The following CHSY3 variants were observed in gnomAD, a reference collection of about 807,000 sequenced individuals.
CHSY3 encodes the protein N-acetylgalactosaminyl-proteoglycan 3-beta-glucuronosyltransferase 3.
A neutral mutation model predicts 67.2 loss-of-function variants in CHSY3; 35 were observed. That is an observed-to-expected ratio of 0.52 (90% CI 0.40 to 0.69). The LOEUF (loss-of-function observed/expected upper bound fraction) is 0.69, where lower values mean the gene tolerates loss of function less well. Ranked by LOEUF, CHSY3 falls within the 30% of genes least tolerant of loss-of-function variation. The probability of loss-of-function intolerance (pLI) is 0.00; values close to 1 mark genes in which losing one functional copy is unlikely to be tolerated. For synonymous variants in CHSY3, 474 were observed against 434.7 expected, an observed-to-expected ratio of 1.09 and a Z score of -1.12; for missense variants, 1,069 against 1,138.5, an observed-to-expected ratio of 0.94 and a Z score of 0.88.
chr5:129,993,157 A>G (rs1394244232), intron 2 of CHSY3, among the ~76,000 whole-genome samples: 1 of 152,132 alleles, frequency 6.6e-6, no homozygotes, highest in Non-Finnish European at 1.5e-5. Context: ...GACATGCTCA[A>G]GTTTATATGG....
At chr5:130,064,578 G>T (rs1253932535) in intron 2 of CHSY3, among the ~76,000 whole-genome samples, 1 of 152,088 alleles carries the variant, frequency 6.6e-6, no homozygotes, top group Non-Finnish European at 1.5e-5. Flanking sequence ...TGCTCAATTT[G>T]GGAAACAGTT....
At chr5:130,093,668 C>G (rs1333081942) in intron 2 of CHSY3, among the ~76,000 whole-genome samples, 1 of 152,122 alleles carries the variant, frequency 6.6e-6, no homozygotes, top group Non-Finnish European at 1.5e-5. Flanking sequence ...GAATCACACA[C>G]AACTTGCCAG....
chr5:129,915,951 T>G (rs1484004736), intron 2 of CHSY3, among the ~76,000 whole-genome samples: 1 of 152,178 alleles, frequency 6.6e-6, no homozygotes, highest in Non-Finnish European at 1.5e-5. Context: ...GCACCACTTT[T>G]ATAAATAGAG....
chr5:129,919,510 A>G (rs145610482), intron 2 of CHSY3, among the ~76,000 whole-genome samples: 1,592 of 152,296 alleles, frequency 0.01, 30 homozygotes, highest in African/African-American at 0.036. Context: ...CCTCACAATC[A>G]TGGCAGAAGG....
chr5:129,986,479 A>G (rs1763205675), intron 2 of CHSY3, among the ~76,000 whole-genome samples: 1 of 152,010 alleles, frequency 6.6e-6, no homozygotes, highest in African/African-American at 2.4e-5. Context: ...TATTGGCCTA[A>G]AGTTTTCCTT....
At chr5:129,958,072 A>C (rs1762228831) in intron 2 of CHSY3, among the ~76,000 whole-genome samples, 1 of 152,112 alleles carries the variant, frequency 6.6e-6, no homozygotes, top group Non-Finnish European at 1.5e-5. Flanking sequence ...AATTTTTAAA[A>C]CTTCTAAATA....
At chr5:129,997,744 G>A (rs1763587747) in intron 2 of CHSY3, among the ~76,000 whole-genome samples, 3 of 152,048 alleles carry the variant, frequency 2.0e-5, no homozygotes, top group Admixed American at 2.0e-4. Context: ...ATCTATGAGT[G>A]AGAACATGCG....
At chr5:130,024,063 C>T (rs1046752791) in intron 2 of CHSY3, among the ~76,000 whole-genome samples, 2 of 148,098 alleles carry the variant, frequency 1.4e-5, no homozygotes, top group Admixed American at 6.8e-5. Flanking sequence ...AATGTAGACA[C>T]TTCTTCTGGG....
chr5:130,078,579 G>C (rs1766345949), intron 2 of CHSY3, among the ~76,000 whole-genome samples: 1 of 152,108 alleles, frequency 6.6e-6, no homozygotes, highest in Admixed American at 6.6e-5. Context: ...AAAACCCTCA[G>C]CTATTATTTG....
intron 2 of CHSY3, among the ~76,000 whole-genome samples, chr5:130,133,355 G>A (rs1213891383): frequency 6.6e-6 from 1 of 152,112 alleles, no homozygotes; most frequent in Non-Finnish European, 1.5e-5. Context: ...TGACTACCGG[G>A]TAGCCATGTG....
chr5:130,140,549 C>A, intron 2 of CHSY3: 1 of 607,592 alleles, frequency 1.6e-6, no homozygotes, highest in Non-Finnish European at 2.8e-6. Context: ...ATCAGTAAGC[C>A]AACTGCTGCT....
At chr5:130,165,765 G>A (rs1769728050) in intron 2 of CHSY3, among the ~76,000 whole-genome samples, 1 of 152,012 alleles carries the variant, frequency 6.6e-6, no homozygotes, top group African/African-American at 2.4e-5. Flanking sequence ...AAGATATGAG[G>A]TAGGTATGGA....
At chr5:129,908,524 G>T (rs1025503859) in intron 2 of CHSY3, among the ~76,000 whole-genome samples, 164 bp downstream of exon 2, 3 of 152,132 alleles carry the variant, frequency 2.0e-5, no homozygotes, top group African/African-American at 7.2e-5. Context: ...TTTCTCATTA[G>T]GTGTCAGGCC....
At chr5:130,178,721 A>G (rs1305254087) in intron 2 of CHSY3, among the ~76,000 whole-genome samples, 3 of 152,210 alleles carry the variant, frequency 2.0e-5, no homozygotes, top group Admixed American at 2.0e-4. Context: ...TCTGATGAGA[A>G]ACGTTGAAAA....
chr5:129,994,729 G>A (rs1341946516), intron 2 of CHSY3, among the ~76,000 whole-genome samples: 1 of 151,986 alleles, frequency 6.6e-6, no homozygotes, highest in Non-Finnish European at 1.5e-5. Flanking sequence ...AAAAAACGAT[G>A]AGTTCATGTC....
chr5:130,060,289 C>A (rs1765669675), intron 2 of CHSY3, among the ~76,000 whole-genome samples: 1 of 152,100 alleles, frequency 6.6e-6, no homozygotes, highest in African/African-American at 2.4e-5. Context: ...TGATTCATTG[C>A]ATAAACAGCC....
chr5:129,904,749 G>T lies in CHSY3; in HGVS notation c.-81G>T. On this transcript the variant is annotated 5_prime_UTR_variant, in exon 1 of 3. Transcript: ENST00000305031. ...GGCCGCGGCTGGGGGCGCAAAGGCG[G>T]AGGAGGGGCGGGTGTGAGCCGGGGA... is the stretch of plus-strand genomic sequence containing the variant. 8.0e-7 allele frequency: 1 copy of T among 1,245,292 alleles called. No individual in the cohort carries two copies. 77.1% of individuals were successfully genotyped at this position (1,245,292 alleles called of 1,614,324 possible). A position where few individuals can be genotyped will look rare whatever the true frequency, so the allele number is the denominator to read the frequency against.
intron 2 of CHSY3, among the ~76,000 whole-genome samples, chr5:130,130,302 C>G (rs940857203): frequency 6.6e-6 from 1 of 152,100 alleles, no homozygotes; most frequent in East Asian, 1.9e-4. Flanking sequence ...GACTTCCAAA[C>G]TTTTCTGAAC....
Position 130,186,549 on chromosome 5 carries a change from T to G in CHSY3, c.*758T>G, listed in dbSNP as rs1380574367. 3 of 152,760 alleles carry G rather than the reference T, an allele frequency of 2.0e-5. No homozygotes were observed. The highest frequency in any genetic ancestry group is 4.4e-5 in the Non-Finnish European group (3 of 68,022). The allele number at this position is 152,760 out of a possible 1,614,324, so 9.5% of individuals were successfully genotyped here. A position where few individuals can be genotyped will look rare whatever the true frequency, so the allele number is the denominator to read the frequency against. On this transcript the variant is annotated 3_prime_UTR_variant, in exon 3 of 3. Coordinates refer to ENST00000305031, the MANE Select transcript of CHSY3 (RefSeq NM_175856.5). Reference sequence around the variant, plus strand: ...AGCTTTATGAAACAATGTCCTTCATTTGCTGGCAAGAAGATAAAATATGAC... The same window carrying G: ...AGCTTTATGAAACAATGTCCTTCATGTGCTGGCAAGAAGATAAAATATGAC...
Sources: gnomAD v4.1 joint callset for allele counts (sites outside exome capture counted in the v4.1 genomes callset) on GRCh38, gnomAD v4.1.1 for gene constraint, MANE v1.5 for transcripts, NCBI Gene and HGNC (gene_info 2026-07-23, HGNC 2026-07-21) for gene names.